Variants in ZNF248 observed in about 807,000 individuals in gnomAD.
ZNF248 encodes the protein KRAB protein domain.
ZNF248 carries 20 observed loss-of-function variants against 44.3 expected under a neutral mutation model. The observed-to-expected ratio is 0.45, with a 90% confidence interval of 0.32 to 0.66. ZNF248 has a LOEUF of 0.66. Among genes scored for constraint, ZNF248 ranks in the 30% least tolerant of loss-of-function variants. The pLI, the probability that ZNF248 is intolerant of heterozygous loss-of-function variation, is 0.04. For missense variants in ZNF248, 654 were observed against 677.0 expected (o/e 0.97, Z 0.38); for synonymous variants, 224 against 229.0 (o/e 0.98, Z 0.20).
intron 6 of ZNF248, among the ~76,000 whole-genome samples, chr10:37,788,219 C>T (rs556807252): frequency 2.9e-5 from 4 of 137,368 alleles, no homozygotes; most frequent in South Asian, 2.3e-4. Context: ...GAGCCAAGAT[C>T]GTGCCGCTGC....
intron 6 of ZNF248, among the ~76,000 whole-genome samples, chr10:37,821,258 C>T (rs1210920658): frequency 6.8e-6 from 1 of 148,056 alleles, no homozygotes; most frequent in Non-Finnish European, 1.5e-5. Flanking sequence ...TTAGGATTTC[C>T]TTGGTTCTTA....
At chr10:37,820,414 A>G in intron 6 of ZNF248, 2 of 1,534,818 alleles carry the variant, frequency 1.3e-6, no homozygotes, top group South Asian at 1.1e-5. Flanking sequence ...TTGGCAGAGC[A>G]GACTGCTCCT....
chr10:37,841,908 T>C (rs116892988), intron 3 of ZNF248, among the ~76,000 whole-genome samples: 4,407 of 152,146 alleles, frequency 0.029, 136 homozygotes, highest in Non-Finnish European at 0.037. Context: ...GTCAGGGTTA[T>C]CAAAAACAAG....
chr10:37,796,080 T>C (rs185934175), intron 6 of ZNF248: 18 of 152,312 alleles, frequency 1.2e-4, no homozygotes, highest in Admixed American at 9.8e-4. Context: ...ATGCAAATTC[T>C]TCTTAATTGG....
Position 37,831,452 on chromosome 10 carries a change from C to T in ZNF248, c.*163G>A. 6.8e-7 allele frequency: 1 copy of T among 1,463,208 alleles called. No homozygotes were observed. Among genetic ancestry groups the T allele is most frequent in the Non-Finnish European group, 9.0e-7 (1 of 1,108,734 alleles). 90.6% of individuals were successfully genotyped at this position (1,463,208 alleles called of 1,614,324 possible). A position where few individuals can be genotyped will look rare whatever the true frequency, so the allele number is the denominator to read the frequency against. ...TTACTTAGATGAATAGAATTCCCCTCAGTACAAATTTTCTAATGAAAAGTT... is the reference window on the plus strand; with the variant it reads ...TTACTTAGATGAATAGAATTCCCCTTAGTACAAATTTTCTAATGAAAAGTT... On this transcript the variant is annotated 3_prime_UTR_variant, in exon 6 of 6. Transcript: ENST00000395867.
intron 6 of ZNF248, among the ~76,000 whole-genome samples, chr10:37,806,323 A>G (rs2050560576): frequency 6.6e-6 from 1 of 152,180 alleles, no homozygotes; most frequent in Non-Finnish European, 1.5e-5. Context: ...TTACATTCCT[A>G]TCAACAATGC....
intron 6 of ZNF248, chr10:37,819,944 G>A (rs766972483): frequency 1.2e-5 from 9 of 769,358 alleles, no homozygotes; most frequent in East Asian, 7.4e-5. Flanking sequence ...GCCCCATGTC[G>A]GACAGTAGTA....
intron 6 of ZNF248, among the ~76,000 whole-genome samples, chr10:37,791,113 G>T (rs1350445727): frequency 7.8e-6 from 1 of 127,660 alleles, no homozygotes; most frequent in Non-Finnish European, 1.6e-5. Flanking sequence ...TAGTGCAGTG[G>T]TGCGATCTGA....
At chr10:37,759,309 ACT>A in the ZNF248 span, among the ~76,000 whole-genome samples, 1 of 152,158 alleles carries the variant, frequency 6.6e-6, no homozygotes, top group East Asian at 1.9e-4. Context: ...TGGTTTACTG[ACT>A]CTTCTGAGAG....
chr10:37,769,291 A>T, the ZNF248 span, among the ~76,000 whole-genome samples: 1 of 152,220 alleles, frequency 6.6e-6, no homozygotes, highest in Non-Finnish European at 1.5e-5. Context: ...CACCATCCTG[A>T]TACCAAAGCC....
intron 3 of ZNF248, among the ~76,000 whole-genome samples, chr10:37,840,085 CA>C (rs1322334434): frequency 6.6e-6 from 1 of 152,084 alleles, no homozygotes; most frequent in Non-Finnish European, 1.5e-5. Flanking sequence ...ACCTATAGAT[CA>C]AAGAGGAAGT....
rs115982220 is a variant in ZNF248, at chr10:37,817,024, G to A, written c.330+16001C>T. ...GGGGTCTGGGTGGAAGGGAGTCCGGGATTTCTCCTCAGCTGTACTAACCTG... is the reference window on the plus strand; with the variant it reads ...GGGGTCTGGGTGGAAGGGAGTCCGGAATTTCTCCTCAGCTGTACTAACCTG... On this transcript the variant is annotated intron_variant, in intron 6 of 6. Transcript: ENST00000615949. Among the ~76,000 whole-genome samples, 923 of 152,192 alleles carry A rather than the reference G, an allele frequency of 6.1e-3. 10 individuals carry two copies. Among genetic ancestry groups the A allele is most frequent in the African/African-American group, 0.021 (882 of 41,518 alleles).
chr10:37,818,522 T>C (rs562401717), intron 6 of ZNF248: 16 of 288,650 alleles, frequency 5.5e-5, no homozygotes, highest in Non-Finnish European at 1.1e-4. Context: ...TCCATTCAGA[T>C]TCTCTACGTT....
chr10:37,831,475 G>C lies in ZNF248; in HGVS notation c.*140C>G. The C allele has an allele frequency of 2.7e-6, 4 of 1,458,134 alleles. No homozygotes were observed. The highest frequency in any genetic ancestry group is 3.6e-6 in the Non-Finnish European group (4 of 1,107,176). 90.3% of individuals were successfully genotyped at this position (1,458,134 alleles called of 1,614,324 possible). On this transcript the variant is annotated 3_prime_UTR_variant, in exon 6 of 6. Coordinates refer to ENST00000395867, the MANE Select transcript of ZNF248 (RefSeq NM_021045.3). ...CTCAGTACAAATTTTCTAATGAAAA[G>C]TTTTAATTTTTCTTGAAAGCTTTTA...
At chr10:37,845,892 T>C (rs1241124198) in intron 3 of ZNF248, among the ~76,000 whole-genome samples, 2 of 151,976 alleles carry the variant, frequency 1.3e-5, no homozygotes, top group African/African-American at 4.8e-5. Context: ...AGAGCAAAAA[T>C]AAAAAATAAA....
the ZNF248 span, among the ~76,000 whole-genome samples, chr10:37,769,701 G>C: frequency 1.3e-5 from 2 of 152,122 alleles, no homozygotes; most frequent in East Asian, 3.9e-4. Flanking sequence ...CATTCCCTTT[G>C]AAAACTGGCA....
Position 37,831,325 on chromosome 10 carries a change from G to A in ZNF248, c.*290C>T. 6.5e-7 allele frequency: 1 copy of A among 1,549,132 alleles called. No individual in the cohort carries two copies. Among genetic ancestry groups the A allele is most frequent in the Non-Finnish European group, 8.7e-7 (1 of 1,146,038 alleles). On this transcript the variant is annotated 3_prime_UTR_variant, in exon 6 of 6. Coordinates refer to ENST00000395867, the MANE Select transcript of ZNF248 (RefSeq NM_021045.3). ...GCTTCAGATTCCACTGTGAATATGG[G>A]TATAAATAAATATTGTCCATTATAT... is the stretch of plus-strand genomic sequence containing the variant.
chr10:37,765,955 A>C, the ZNF248 span, among the ~76,000 whole-genome samples: 1 of 152,242 alleles, frequency 6.6e-6, no homozygotes, highest in Non-Finnish European at 1.5e-5. Flanking sequence ...ACACCAGGAG[A>C]TTATATCCCA....
At chr10:37,844,823 GAC>G (rs1249025056) in intron 3 of ZNF248, among the ~76,000 whole-genome samples, 2 of 151,928 alleles carry the variant, frequency 1.3e-5, no homozygotes, top group Admixed American at 1.3e-4. Flanking sequence ...CAATTCGAAA[GAC>G]AGAAAAAAAA....
Sources: gnomAD v4.1 joint callset for allele counts (sites outside exome capture counted in the v4.1 genomes callset) on GRCh38, gnomAD v4.1.1 for gene constraint, MANE v1.5 for transcripts, NCBI Gene and HGNC (gene_info 2026-07-23, HGNC 2026-07-21) for gene names.